Variants in NRXN3 observed in about 807,000 individuals in gnomAD.
NRXN3 encodes the protein neurexin 3, also known as neurexin III.
A neutral mutation model predicts 137.6 loss-of-function variants in NRXN3; 32 were observed. That is an observed-to-expected ratio of 0.23 (90% CI 0.18 to 0.31). The LOEUF (loss-of-function observed/expected upper bound fraction) is 0.31, where lower values mean the gene tolerates loss of function less well. Ranked by LOEUF, NRXN3 falls within the 10% of genes least tolerant of loss-of-function variation. The pLI is 1.00. For missense variants in NRXN3, 1,574 were observed against 2,062.5 expected, an observed-to-expected ratio of 0.76 and a Z score of 4.59; for synonymous variants, 798 against 784.5, an observed-to-expected ratio of 1.02 and a Z score of -0.29.
intron 16 of NRXN3, among the ~76,000 whole-genome samples, chr14:79,584,014 A>T (rs567327891): frequency 3.3e-5 from 5 of 152,236 alleles, no homozygotes; most frequent in Admixed American, 6.5e-5. Context: ...TGTCTATGCC[A>T]GTTCCATGAA....
At chr14:78,778,766 TTCTTTCTTTCTTTCTTTC>T (rs1567286060) in intron 8 of NRXN3, among the ~76,000 whole-genome samples, 1 of 36,562 alleles carries the variant, frequency 2.7e-5, no homozygotes, top group Non-Finnish European at 5.4e-5. Context: ...TTCTCTTTCT[TTCTTTCTTTCTTTCTTTC>T]TTTCTTTCTT....
At chr14:79,220,537 T>C (rs2069398793) in intron 15 of NRXN3, among the ~76,000 whole-genome samples, 2 of 152,144 alleles carry the variant, frequency 1.3e-5, no homozygotes, top group Non-Finnish European at 2.9e-5. Context: ...ACCATCATAA[T>C]ATCCTACAGA....
rs151197180 is a variant in NRXN3, at chr14:78,702,451, C to CTTTTCTTTT, written c.1222-6764_1222-6763insTTCTTTTTT. 1.8e-4 allele frequency among the ~76,000 whole-genome samples: 22 copies of CTTTTCTTTT among 122,714 alleles called. 7 individuals are homozygous for CTTTTCTTTT. Among genetic ancestry groups the CTTTTCTTTT allele is most frequent in the East Asian group, 6.7e-4 (3 of 4,476 alleles). The allele number at this position is 122,714 out of a possible 152,430, so 80.5% of individuals were successfully genotyped here. A position where few individuals can be genotyped will look rare whatever the true frequency, so the allele number is the denominator to read the frequency against. ...AAGAGAGAATCTTTCTTTTTCTTTT[C>CTTTTCTTTT]TTATTTTTTTTGAGATGGAGTCTCA... On this transcript the variant is annotated intron_variant, in intron 6 of 20. Transcript: ENST00000335750.
chr14:79,823,877 A>T (rs1184536290), intron 20 of NRXN3: 1 of 447,720 alleles, frequency 2.2e-6, no homozygotes. Flanking sequence ...CATTAGTTCC[A>T]TAAGGTCAGT....
intron 6 of NRXN3, among the ~76,000 whole-genome samples, chr14:78,687,528 G>A (rs1225285078): frequency 2.0e-5 from 3 of 152,208 alleles, no homozygotes; most frequent in Admixed American, 1.3e-4. Context: ...TATTAGTCAA[G>A]ATAAGCTAGG....
intron 16 of NRXN3, among the ~76,000 whole-genome samples, chr14:79,527,797 G>A (rs2097134367): frequency 6.6e-6 from 1 of 151,180 alleles, no homozygotes; most frequent in Non-Finnish European, 1.5e-5. Flanking sequence ...CTTCAACCCG[G>A]GAGGCAGAGG....
At chr14:79,853,690 C>T (rs756410579) in intron 20 of NRXN3, 2 of 1,288,194 alleles carry the variant, frequency 1.6e-6, no homozygotes, top group Non-Finnish European at 2.0e-6. Flanking sequence ...CCCATTCTCC[C>T]CCTTTCTTTA....
intron 10 of NRXN3, among the ~76,000 whole-genome samples, chr14:78,875,497 T>C (rs1215298667): frequency 2.0e-5 from 3 of 152,194 alleles, no homozygotes; most frequent in Admixed American, 6.5e-5. Flanking sequence ...AAGTCAGTTA[T>C]TCACTTTTTT....
At chr14:79,046,651 A>G (rs974318215) in intron 15 of NRXN3, among the ~76,000 whole-genome samples, 1 of 152,128 alleles carries the variant, frequency 6.6e-6, no homozygotes, top group Non-Finnish European at 1.5e-5. Flanking sequence ...TGACTCTCAG[A>G]CTCACTGTTG....
At chr14:79,471,376 G>A (rs2096505200) in intron 16 of NRXN3, among the ~76,000 whole-genome samples, 1 of 152,174 alleles carries the variant, frequency 6.6e-6, no homozygotes, top group Admixed American at 6.5e-5. Flanking sequence ...GTGCCGATGT[G>A]AGGTTTTGTG....
intron 19 of NRXN3, among the ~76,000 whole-genome samples, chr14:79,767,001 T>C (rs1328315538): frequency 6.6e-6 from 1 of 152,236 alleles, no homozygotes; most frequent in Non-Finnish European, 1.5e-5. Flanking sequence ...GTGATACTTA[T>C]GACACTACTT....
At position 79,570,658 on chromosome 14, in the gene NRXN3, A is replaced by T. The variant is rs575152258; in HGVS notation, c.3445-93120A>T. 7.9e-5 allele frequency: 12 copies of T among 152,342 alleles called. No individual in the cohort carries two copies. In the South Asian group the frequency reaches 2.5e-3, roughly 32 times the overall value. 9.4% of individuals were successfully genotyped at this position (152,342 alleles called of 1,614,324 possible). A position where few individuals can be genotyped will look rare whatever the true frequency, so the allele number is the denominator to read the frequency against. ...TGGAAATTGTCTTTAATAAATTGCC[A>T]TTCGTGATAATTCTAGTGATAATTA... On this transcript the variant is annotated intron_variant, in intron 16 of 20. Transcript: ENST00000335750.
chr14:79,104,469 G>C (rs1409409240), intron 15 of NRXN3, among the ~76,000 whole-genome samples: 1 of 152,146 alleles, frequency 6.6e-6, no homozygotes, highest in Non-Finnish European at 1.5e-5. Flanking sequence ...CTATGATAAA[G>C]ACTATGACTC....
intron 16 of NRXN3, among the ~76,000 whole-genome samples, chr14:79,635,548 G>A (rs1261569102): frequency 6.6e-6 from 1 of 152,118 alleles, no homozygotes; most frequent in Admixed American, 6.5e-5. Flanking sequence ...AATAAAGCCA[G>A]GGCCACATTC....
At position 79,094,979 on chromosome 14, in the gene NRXN3, AGTGT is replaced by A. The variant is rs1555740770; in HGVS notation, c.3262+106866_3262+106869del. ...GAGAGAGAGAGAGAGAGAGAGAGAG[AGTGT>A]GTGTGTGTGTGTGTGTGTGTGTGTG... On this transcript the variant is annotated intron_variant, in intron 15 of 20. Coordinates refer to ENST00000335750, the MANE Select transcript of NRXN3 (RefSeq NM_001330195.2). Among the ~76,000 whole-genome samples the A allele has an allele frequency of 4.5e-4, 52 of 115,924 alleles. No individual in the cohort carries two copies. In the East Asian group the frequency reaches 0.011, roughly 24 times the overall value. 76.1% of individuals were successfully genotyped at this position (115,924 alleles called of 152,430 possible).
intron 16 of NRXN3, among the ~76,000 whole-genome samples, chr14:79,521,010 A>G (rs1169701058): frequency 1.3e-5 from 2 of 152,166 alleles, no homozygotes; most frequent in African/African-American, 4.8e-5. Context: ...AAGACTTGGA[A>G]CCAACCCAAA....
Position 78,651,383 on chromosome 14 carries a change from A to T in NRXN3, c.1221+57A>T, listed in dbSNP as rs2097741267. ...ATGTGATTGTTTCATTTATAAACAA[A>T]TGACATGTCTAAATCAATGACTGGA... On this transcript the variant is annotated intron_variant, in intron 6 of 20. Coordinates refer to ENST00000335750, the MANE Select transcript of NRXN3 (RefSeq NM_001330195.2). 1.9e-6 allele frequency: 3 copies of T among 1,549,362 alleles called. No homozygotes were observed. In the Admixed American group the frequency reaches 5.2e-5, roughly 27 times the overall value.
At chr14:78,503,273 G>GGCTT (rs1458192094) in intron 4 of NRXN3, among the ~76,000 whole-genome samples, 1 of 152,120 alleles carries the variant, frequency 6.6e-6, no homozygotes, top group East Asian at 1.9e-4. Context: ...AATAAAGCGA[G>GGCTT]GCTTGGTTGC....
chr14:78,253,563 T>C (rs2068993575), intron 2 of NRXN3, among the ~76,000 whole-genome samples: 1 of 151,974 alleles, frequency 6.6e-6, no homozygotes, highest in South Asian at 2.1e-4. Flanking sequence ...TGGTGCCAGC[T>C]ACTTGGGAAG....
Sources: allele counts gnomAD v4.1 joint callset (sites outside exome capture counted in the v4.1 genomes callset), GRCh38; gene constraint gnomAD v4.1.1; transcripts MANE v1.5; gene names NCBI Gene and HGNC (gene_info 2026-07-23, HGNC 2026-07-21).